The following PET117 variants were observed in gnomAD, a reference collection of about 807,000 sequenced individuals.
PET117 encodes the protein protein PET117 homolog, mitochondrial.
A neutral mutation model predicts 9.2 loss-of-function variants in PET117; 10 were observed. The ratio of observed to expected loss-of-function variants is 1.09; its 90% CI spans 0.67 to 1.85. PET117 has a LOEUF of 1.85. PET117 is among the 40% of genes most tolerant of loss of function. The probability of loss-of-function intolerance (pLI) is 0.00; values close to 1 mark genes in which losing one functional copy is unlikely to be tolerated. For synonymous variants in PET117, 43 were observed against 37.1 expected, an observed-to-expected ratio of 1.16 and a Z score of -0.57; for missense variants, 96 against 98.2, an observed-to-expected ratio of 0.98 and a Z score of 0.09.
Position 18,142,582 on chromosome 20 carries a change from G to A in PET117, c.*225G>A. 1 of 1,576,958 alleles carries A rather than the reference G, an allele frequency of 6.3e-7. No individual in the cohort carries two copies. Among genetic ancestry groups the A allele is most frequent in the Non-Finnish European group, 8.6e-7 (1 of 1,159,564 alleles). On this transcript the variant is annotated 3_prime_UTR_variant, in exon 2 of 2. Coordinates refer to ENST00000432901, the MANE Select transcript of PET117 (RefSeq NM_001164811.2). ...GGAAGAGTCTGTCTGGGTGATCCTG[G>A]TAGAAGCCCCATTAGGGTCACTGTC... is the stretch of plus-strand genomic sequence containing the variant.
intron 1 of PET117, among the ~76,000 whole-genome samples, chr20:18,141,226 G>A (rs1180360496): frequency 6.6e-6 from 1 of 151,730 alleles, no homozygotes; most frequent in Non-Finnish European, 1.5e-5. Flanking sequence ...ACTATAAAAT[G>A]TTAGTTATTA....
intron 1 of PET117, 26 bp from the exon 2 acceptor site, chr20:18,142,182 C>T (rs1330613544): frequency 6.5e-7 from 1 of 1,533,002 alleles, no homozygotes; most frequent in East Asian, 2.4e-5. Flanking sequence ...CGGGATGTTA[C>T]TGAAATCTGT....
intron 1 of PET117, chr20:18,138,430 G>A (rs376762967): frequency 4.0e-6 from 4 of 1,005,328 alleles, no homozygotes; most frequent in Non-Finnish European, 4.7e-6. Flanking sequence ...CACTTGGGCC[G>A]CTAGAAAATA....
chr20:18,142,315 AAGAG>A lies in PET117; in HGVS notation c.208_211del (p.Glu70ArgfsTer30). On this transcript the variant is annotated frameshift_variant, in exon 2 of 2. Transcript: ENST00000432901. LOFTEE classifies it high-confidence loss of function. The stretch of plus-strand genomic sequence containing the variant: ...TTTTGACTGAGCAACTTGAAGCAGA[AAGAG>A]AGAAGATGTTATTGGCAAAAGGATC... The A allele has an allele frequency of 2.0e-6, 3 of 1,537,058 alleles. No individual in the cohort carries two copies. The highest frequency in any genetic ancestry group is 1.7e-4 in the Middle Eastern group (1 of 5,990).
At chr20:18,138,878 C>CTGGAA (rs1331279745) in intron 1 of PET117, among the ~76,000 whole-genome samples, 3 of 152,218 alleles carry the variant, frequency 2.0e-5, no homozygotes, top group Non-Finnish European at 4.4e-5. Flanking sequence ...AAACTCCACT[C>CTGGAA]TTCCAGAGTC....
chr20:18,138,535 G>C, intron 1 of PET117: 1 of 866,928 alleles, frequency 1.2e-6, no homozygotes, highest in South Asian at 5.3e-5. Context: ...TGTTTTACGT[G>C]CTATTGATTT....
At chr20:18,140,239 T>G (rs187775701) in intron 1 of PET117, among the ~76,000 whole-genome samples, 2 of 151,680 alleles carry the variant, frequency 1.3e-5, no homozygotes, top group East Asian at 3.9e-4. Flanking sequence ...AGACCTGCAG[T>G]TGGGGGAGTG....
intron 1 of PET117, among the ~76,000 whole-genome samples, chr20:18,140,470 C>A (rs1044800966): frequency 1.3e-5 from 2 of 151,858 alleles, no homozygotes; most frequent in African/African-American, 4.8e-5. Flanking sequence ...ATACGCAGGC[C>A]CTGGGCCCCA....
chr20:18,142,138 G>T lies in PET117; in HGVS notation c.97-70G>T, dbSNP rs965112022. 15 of 1,440,948 alleles carry T rather than the reference G, an allele frequency of 1.0e-5. No individual in the cohort carries two copies. In the African/African-American group the frequency reaches 1.6e-4, roughly 15 times the overall value. 89.3% of individuals were successfully genotyped at this position (1,440,948 alleles called of 1,614,324 possible). On this transcript the variant is annotated intron_variant, in intron 1 of 1. Transcript: ENST00000432901. ...TATATTTTGGTAACACTGTTATTTGGATTTGAATGGCACAAGGATGGGGAC... is the reference window on the plus strand; with the variant it reads ...TATATTTTGGTAACACTGTTATTTGTATTTGAATGGCACAAGGATGGGGAC...
chr20:18,143,163 TTG>T lies in PET117; in HGVS notation c.*807_*808del. ...TGGTAACTCAATAAAATTGAGAAAA[TTG>T]GAAATCCTGTGTTACTTAAAGAATT... On this transcript the variant is annotated 3_prime_UTR_variant, in exon 2 of 2. Transcript: ENST00000432901. 8.1e-7 allele frequency: 1 copy of T among 1,230,292 alleles called. No homozygotes were observed. Among genetic ancestry groups the T allele is most frequent in the Non-Finnish European group, 1.0e-6 (1 of 981,008 alleles). 76.2% of individuals were successfully genotyped at this position (1,230,292 alleles called of 1,614,324 possible).
rs71194228 is a variant in PET117 at position 18,139,633 on chromosome 20, CGTGTGTGTGTGT to C, written c.96+1613_96+1624del. Among the ~76,000 whole-genome samples, 888 of 141,716 alleles carry C rather than the reference CGTGTGTGTGTGT, an allele frequency of 6.3e-3. 6 individuals carry two copies. The highest frequency in any genetic ancestry group is 9.1e-3 in the African/African-American group (358 of 39,430). The allele number at this position is 141,716 out of a possible 152,430, so 93.0% of individuals were successfully genotyped here. On this transcript the variant is annotated intron_variant, in intron 1 of 1. Transcript: ENST00000432901. The stretch of plus-strand genomic sequence containing the variant: ...AGTTAGAGCTGAAGAACCAAAATAA[CGTGTGTGTGTGT>C]GTGTGTGTGTGTGTGTGTGTGTGTG...
At chr20:18,138,203 C>CT in intron 1 of PET117, 152 bp downstream of exon 1, 2 of 1,267,056 alleles carry the variant, frequency 1.6e-6, no homozygotes, top group Non-Finnish European at 2.0e-6. Context: ...GCGGCTGCGG[C>CT]CGGCGGCCGC....
Position 18,137,922 on chromosome 20 carries a change from G to A in PET117, c.-34G>A, listed in dbSNP as rs1288968914. 2 of 1,470,876 alleles carry A rather than the reference G, an allele frequency of 1.4e-6. No homozygotes were observed. Among genetic ancestry groups the A allele is most frequent in the Non-Finnish European group, 1.8e-6 (2 of 1,117,992 alleles). The allele number at this position is 1,470,876 out of a possible 1,614,324, so 91.1% of individuals were successfully genotyped here. ...GCGGCGGCCTCTGCGCCTCGGGCGG[G>A]CGGGAGAGAGAGGCCGCGGCCGCCA... On this transcript the variant is annotated 5_prime_UTR_variant, in exon 1 of 2. Coordinates refer to ENST00000432901, the MANE Select transcript of PET117 (RefSeq NM_001164811.2).
Position 18,138,108 on chromosome 20 carries a change from C to T in PET117, c.96+57C>T, listed in dbSNP as rs543047684. On this transcript the variant is annotated intron_variant, in intron 1 of 1. Transcript: ENST00000432901. ...CGCGCGCGCGGCGTCGACCTGGGGC[C>T]TCTCGTGGTCTCTGCCCGCTCGGTT... 3.0e-5 allele frequency: 43 copies of T among 1,419,292 alleles called. No individual in the cohort carries two copies. The African/African-American group carries it at 5.7e-4, about 19-fold the overall frequency. 87.9% of individuals were successfully genotyped at this position (1,419,292 alleles called of 1,614,324 possible). A position where few individuals can be genotyped will look rare whatever the true frequency, so the allele number is the denominator to read the frequency against.
chr20:18,140,843 A>C (rs1432962034), intron 1 of PET117, among the ~76,000 whole-genome samples: 2 of 145,972 alleles, frequency 1.4e-5, no homozygotes, highest in African/African-American at 2.5e-5. Context: ...AAAACCAATA[A>C]AACAAAACAA....
chr20:18,138,324 T>G, intron 1 of PET117: 1 of 1,146,346 alleles, frequency 8.7e-7, no homozygotes. Flanking sequence ...GAAGGGGCCT[T>G]GCTCCGCACA....
Position 18,141,051 on chromosome 20 carries a change from T to TTTTTTTTTTTTG in PET117, c.97-1156_97-1155insTTTTTTTTTTGT, listed in dbSNP as rs58888387. ...TTTTTTTTTTTTTTTTTTTTTATTT[T>TTTTTTTTTTTTG]TATTTTTGCTAGAGATGGGATTTTG... On this transcript the variant is annotated intron_variant, in intron 1 of 1. Transcript: ENST00000432901. Among the ~76,000 whole-genome samples the TTTTTTTTTTTTG allele has an allele frequency of 2.0e-3, 215 of 109,664 alleles. 2 individuals carry two copies. The highest frequency in any genetic ancestry group is 3.0e-3 in the East Asian group (9 of 3,022). The allele number at this position is 109,664 out of a possible 152,430, so 71.9% of individuals were successfully genotyped here. A position where few individuals can be genotyped will look rare whatever the true frequency, so the allele number is the denominator to read the frequency against.
At position 18,142,369 on chromosome 20, in the gene PET117, A is replaced by G. The variant is rs1331008941; in HGVS notation, c.*12A>G. On this transcript the variant is annotated 3_prime_UTR_variant, in exon 2 of 2. Coordinates refer to ENST00000432901, the MANE Select transcript of PET117 (RefSeq NM_001164811.2). ...CTCAAAAATCATGACTTGAATGTGAAATATCTGTTGGACAGACAACACGAG... is the reference window on the plus strand; with the variant it reads ...CTCAAAAATCATGACTTGAATGTGAGATATCTGTTGGACAGACAACACGAG... 1.3e-6 allele frequency: 2 copies of G among 1,535,250 alleles called. No homozygotes were observed. The highest frequency in any genetic ancestry group is 8.7e-7 in the Non-Finnish European group (1 of 1,145,416).
intron 1 of PET117, among the ~76,000 whole-genome samples, chr20:18,141,271 G>C (rs1288724482): frequency 1.3e-5 from 2 of 151,948 alleles, no homozygotes; most frequent in Non-Finnish European, 2.9e-5. Flanking sequence ...CTCTTCTTGG[G>C]TGCCAGGTCC....
Sources: gnomAD v4.1 joint callset for allele counts (sites outside exome capture counted in the v4.1 genomes callset) on GRCh38, gnomAD v4.1.1 for gene constraint, MANE v1.5 for transcripts, NCBI Gene and HGNC (gene_info 2026-07-23, HGNC 2026-07-21) for gene names.